The following NDUFAF6 variants were observed in gnomAD, a reference collection of about 807,000 sequenced individuals.
NDUFAF6 encodes NADH:ubiquinone oxidoreductase complex assembly factor 6.
NDUFAF6 carries 45 observed loss-of-function variants against 40.8 expected under a neutral mutation model. That is an observed-to-expected ratio of 1.10 (90% CI 0.87 to 1.42). The LOEUF (loss-of-function observed/expected upper bound fraction) is 1.42, where lower values mean the gene tolerates loss of function less well. Ranked by LOEUF, NDUFAF6 falls within the 40% of genes most tolerant of loss-of-function variation. The pLI, the probability that NDUFAF6 is intolerant of heterozygous loss-of-function variation, is 0.00. For synonymous variants in NDUFAF6, 185 were observed against 155.9 expected, an observed-to-expected ratio of 1.19 and a Z score of -1.39; for missense variants, 435 against 418.5, an observed-to-expected ratio of 1.04 and a Z score of -0.34.
chr8:94,938,936 G>A (rs1320859476), intron 1 of NDUFAF6, among the ~76,000 whole-genome samples: 1 of 152,176 alleles, frequency 6.6e-6, no homozygotes, highest in Non-Finnish European at 1.5e-5. Context: ...AGTCTTTTGG[G>A]ACTAAGCCTT....
At chr8:95,007,733 A>G (rs1827062656) in intron 2 of NDUFAF6, among the ~76,000 whole-genome samples, 1 of 114,930 alleles carries the variant, frequency 8.7e-6, no homozygotes, top group Non-Finnish European at 1.8e-5. Flanking sequence ...TCTCAATTTT[A>G]TGTATTTATT....
At chr8:94,967,668 C>T (rs1824119360) in intron 1 of NDUFAF6, among the ~76,000 whole-genome samples, 1 of 152,076 alleles carries the variant, frequency 6.6e-6, no homozygotes, top group East Asian at 1.9e-4. Flanking sequence ...ACCACGGGCG[C>T]GGTGGCTCAC....
At chr8:95,065,384 A>C (rs1053947963) in intron 9 of NDUFAF6, among the ~76,000 whole-genome samples, 7 of 152,170 alleles carry the variant, frequency 4.6e-5, no homozygotes, top group Admixed American at 3.9e-4. Flanking sequence ...CTGGTGGGGA[A>C]AAATTTCCAC....
intron 4 of NDUFAF6, 73 bp downstream of exon 4, chr8:95,041,699 A>AT (rs1370244665): frequency 2.5e-6 from 3 of 1,202,546 alleles, no homozygotes; most frequent in Non-Finnish European, 3.7e-6. Context: ...CAAGAAGGAC[A>AT]TTTTTTGACT....
At chr8:95,015,635 C>T (rs7008542) in intron 2 of NDUFAF6, among the ~76,000 whole-genome samples, 1 of 152,180 alleles carries the variant, frequency 6.6e-6, no homozygotes, top group Non-Finnish European at 1.5e-5. Context: ...GATAACTATT[C>T]ATATTGATAG....
intron 2 of NDUFAF6, among the ~76,000 whole-genome samples, chr8:94,983,596 T>C (rs1171113073): frequency 1.3e-5 from 2 of 152,170 alleles, no homozygotes; most frequent in African/African-American, 4.8e-5. Context: ...CCCCCAAATC[T>C]TGTACTGGTA....
At chr8:94,941,159 A>G (rs982875319) in intron 1 of NDUFAF6, 1 of 476,654 alleles carries the variant, frequency 2.1e-6, no homozygotes, top group Non-Finnish European at 3.7e-6. Context: ...GTACATACAC[A>G]TACACACATA....
At chr8:94,994,966 C>A (rs377606123) in intron 2 of NDUFAF6, among the ~76,000 whole-genome samples, 2 of 152,174 alleles carry the variant, frequency 1.3e-5, no homozygotes, top group Non-Finnish European at 2.9e-5. Flanking sequence ...ATCATATGAT[C>A]TAACAATTCC....
At chr8:94,900,122 ATGC>A (rs916411685) in intron 1 of NDUFAF6, among the ~76,000 whole-genome samples, 9 of 152,048 alleles carry the variant, frequency 5.9e-5, no homozygotes, top group African/African-American at 2.2e-4. Context: ...TCTCCAACTT[ATGC>A]TTGCCTCTAC....
intron 2 of NDUFAF6, chr8:94,989,040 A>C (rs1826073323): frequency 6.6e-6 from 1 of 152,242 alleles, no homozygotes; most frequent in Non-Finnish European, 1.5e-5. Flanking sequence ...TGGGTTGATG[A>C]AATGTTCCAA....
intron 2 of NDUFAF6, among the ~76,000 whole-genome samples, chr8:95,012,474 G>A (rs189546288): frequency 1.8e-4 from 27 of 152,124 alleles, no homozygotes; most frequent in African/African-American, 5.5e-4. Flanking sequence ...ATGTCAGATG[G>A]GGCATTTCTA....
chr8:95,073,033 G>A (rs543861190), intron 9 of NDUFAF6: 170 of 153,316 alleles, frequency 1.1e-3, no homozygotes, highest in African/African-American at 3.9e-3. Flanking sequence ...TCAGCCCTCT[G>A]CAGGGAGGCG....
chr8:95,073,104 C>T (rs1419738156), intron 9 of NDUFAF6: 2 of 152,668 alleles, frequency 1.3e-5, no homozygotes, highest in African/African-American at 2.4e-5. Context: ...GGGACCGAAG[C>T]TAGGAATAGA....
chr8:95,106,983 A>T (rs1353195268), downstream of NDUFAF6, among the ~76,000 whole-genome samples: 8 of 152,242 alleles, frequency 5.3e-5, no homozygotes, highest in Non-Finnish European at 1.0e-4. Flanking sequence ...GTCAGGAAAC[A>T]ACAGATACTG....
intron 1 of NDUFAF6, among the ~76,000 whole-genome samples, chr8:94,942,569 A>C (rs895079815): frequency 6.6e-6 from 1 of 152,248 alleles, no homozygotes; most frequent in African/African-American, 2.4e-5. Flanking sequence ...TCCTCAGTCC[A>C]GGTCAACTAT....
chr8:94,939,600 G>A (rs1357928304), intron 1 of NDUFAF6: 1 of 413,968 alleles, frequency 2.4e-6, no homozygotes, highest in Admixed American at 3.6e-5. Flanking sequence ...GTTTCACCAT[G>A]TTGCCCAGGG....
intron 2 of NDUFAF6, among the ~76,000 whole-genome samples, chr8:94,997,333 CACACACACACAG>C (rs1285445445): frequency 3.5e-4 from 48 of 138,564 alleles, no homozygotes; most frequent in Admixed American, 2.2e-3. Flanking sequence ...CACACACACA[CACACACACACAG>C]AGAGAGAGAG....
intron 2 of NDUFAF6, among the ~76,000 whole-genome samples, chr8:94,947,286 A>T (rs1184124754): frequency 0.014 from 136 of 9,508 alleles, no homozygotes; most frequent in South Asian, 0.11. Flanking sequence ...AAAAATATTA[A>T]AAAAAAAAAA....
At chr8:94,897,633 C>T (rs1817725238) in intron 1 of NDUFAF6, among the ~76,000 whole-genome samples, 1 of 151,470 alleles carries the variant, frequency 6.6e-6, no homozygotes, top group South Asian at 2.1e-4. Flanking sequence ...GGAAAAAACC[C>T]CAGAAGATGC....
Sources: allele counts gnomAD v4.1 joint callset (sites outside exome capture counted in the v4.1 genomes callset), GRCh38; gene constraint gnomAD v4.1.1; transcripts MANE v1.5; gene names NCBI Gene and HGNC (gene_info 2026-07-23, HGNC 2026-07-21).